ZBTB44: variants seen among roughly 807,000 people sequenced by gnomAD.
ZBTB44 encodes zinc finger and BTB domain containing 44.
A neutral mutation model predicts 54.0 loss-of-function variants in ZBTB44; 15 were observed. The ratio of observed to expected loss-of-function variants is 0.28; its 90% CI spans 0.19 to 0.43. The LOEUF (loss-of-function observed/expected upper bound fraction) is 0.43. Among genes scored for constraint, ZBTB44 ranks in the 20% least tolerant of loss-of-function variants. The probability of loss-of-function intolerance (pLI) is 1.00; values close to 1 mark genes in which losing one functional copy is unlikely to be tolerated. For missense variants in ZBTB44, 487 were observed against 707.1 expected, an observed-to-expected ratio of 0.69 and a Z score of 3.53; for synonymous variants, 230 against 250.1, an observed-to-expected ratio of 0.92 and a Z score of 0.76.
intron 2 of ZBTB44, among the ~76,000 whole-genome samples, chr11:130,245,561 C>T (rs1010720088): frequency 7.9e-5 from 12 of 152,186 alleles, no homozygotes; most frequent in African/African-American, 2.4e-4. Flanking sequence ...CCCCAAAACG[C>T]CTGGAGTTGT....
At chr11:130,290,088 G>A (rs1490670102) in intron 1 of ZBTB44, among the ~76,000 whole-genome samples, 1 of 152,176 alleles carries the variant, frequency 6.6e-6, no homozygotes, top group Non-Finnish European at 1.5e-5. Flanking sequence ...AGATTACCCA[G>A]GTGGGCCCTA....
rs1188497686 is a variant in ZBTB44, at chr11:130,314,807, G to A, written c.-489C>T. On this transcript the variant is annotated 5_prime_UTR_variant, in exon 1 of 8. Coordinates refer to ENST00000357899, the MANE Select transcript of ZBTB44 (RefSeq NM_001301098.2). ...AAGGGGAAGGGGACTGAGGGGAGGG[G>A]AGGGGGAGGTTGGGAGGGAGCCGCC... 3 of 124,762 alleles carry A rather than the reference G, an allele frequency of 2.4e-5. No individual in the cohort carries two copies. Among genetic ancestry groups the A allele is most frequent in the Non-Finnish European group, 3.4e-5 (2 of 58,342 alleles). 7.7% of individuals were successfully genotyped at this position (124,762 alleles called of 1,614,324 possible). A position where few individuals can be genotyped will look rare whatever the true frequency, so the allele number is the denominator to read the frequency against.
chr11:130,281,140 T>C (rs938804348), intron 1 of ZBTB44, among the ~76,000 whole-genome samples: 2 of 152,218 alleles, frequency 1.3e-5, no homozygotes, highest in African/African-American at 4.8e-5. Flanking sequence ...AAAGTAGTGC[T>C]TATAGGGAAA....
chr11:130,238,336 A>T (rs1009292424), intron 4 of ZBTB44, 108 bp downstream of exon 4: 1 of 1,331,368 alleles, frequency 7.5e-7, no homozygotes, highest in Non-Finnish European at 1.0e-6. Context: ...TTGACTTCCC[A>T]GAGTTTTTTT....
At position 130,314,399 on chromosome 11, in the gene ZBTB44, G is replaced by C. The variant is rs892904428; in HGVS notation, c.-81C>G. The C allele has an allele frequency of 1.3e-5, 2 of 153,254 alleles. No homozygotes were observed. The highest frequency in any genetic ancestry group is 2.9e-5 in the Non-Finnish European group (2 of 68,346). The allele number at this position is 153,254 out of a possible 1,614,324, so 9.5% of individuals were successfully genotyped here. On this transcript the variant is annotated 5_prime_UTR_variant, in exon 1 of 8. Coordinates refer to ENST00000357899, the MANE Select transcript of ZBTB44 (RefSeq NM_001301098.2). ...CCTGCGGGCGGCGGCGCCGGGCCCG[G>C]AGGCCTGCTGCTCCTCCTCCTTCTC...
intron 2 of ZBTB44, 40 bp from the exon 3 acceptor site, chr11:130,239,936 G>T: frequency 6.8e-7 from 1 of 1,462,042 alleles, no homozygotes; most frequent in Non-Finnish European, 9.5e-7. Context: ...ATCCTTTGGT[G>T]TGAATAAGCC....
Position 130,301,113 on chromosome 11 carries a change from T to C in ZBTB44, c.-57+13262A>G, listed in dbSNP as rs180816515. On this transcript the variant is annotated intron_variant, in intron 1 of 7. Coordinates refer to ENST00000357899, the MANE Select transcript of ZBTB44 (RefSeq NM_001301098.2). ...TAACAGATGGTATAAGGTCCCTAGA[T>C]AGGTAGAAGGAAATGGGATTCAGAG... 4.9e-3 allele frequency among the ~76,000 whole-genome samples: 740 copies of C among 152,064 alleles called. 6 individuals are homozygous for C. Among genetic ancestry groups the C allele is most frequent in the African/African-American group, 0.017 (720 of 41,472 alleles).
chr11:130,233,033 A>T, intron 7 of ZBTB44: 1 of 335,988 alleles, frequency 3.0e-6, no homozygotes. Context: ...AAAAGAATGT[A>T]GCCTCAATAG....
At chr11:130,249,800 G>C (rs1373518869) in intron 2 of ZBTB44, among the ~76,000 whole-genome samples, 1 of 152,188 alleles carries the variant, frequency 6.6e-6, no homozygotes, top group African/African-American at 2.4e-5. Flanking sequence ...ACATCACTAG[G>C]GCCCCGGGTT....
intron 2 of ZBTB44, among the ~76,000 whole-genome samples, chr11:130,253,556 A>G (rs1156365891): frequency 6.6e-6 from 1 of 152,224 alleles, no homozygotes; most frequent in Non-Finnish European, 1.5e-5. Context: ...ACCACTGCTC[A>G]ATGAAATAAA....
Position 130,295,979 on chromosome 11 carries a change from G to A in ZBTB44, c.-57+18396C>T, listed in dbSNP as rs144086946. The A allele has an allele frequency of 9.3e-4, 1,435 of 1,546,300 alleles. 13 individuals carry two copies. The African/African-American group carries it at 0.017, about 19-fold the overall frequency. Reference sequence around the variant, plus strand: ...AACATCACTGTGGCCACACCAGGCCGTCTGCTGTATCATATGCAGAATATC... The same window carrying A: ...AACATCACTGTGGCCACACCAGGCCATCTGCTGTATCATATGCAGAATATC... On this transcript the variant is annotated intron_variant, in intron 1 of 7. Transcript: ENST00000357899.
chr11:130,276,232 C>CAAAAAA (rs757286125), intron 1 of ZBTB44, among the ~76,000 whole-genome samples: 3 of 31,748 alleles, frequency 9.4e-5, no homozygotes, highest in Non-Finnish European at 1.2e-4. Context: ...AACTCTGTCT[C>CAAAAAA]AAAAAAAAAA....
intron 1 of ZBTB44, among the ~76,000 whole-genome samples, chr11:130,312,308 C>T (rs141576168): frequency 1.2e-3 from 181 of 152,312 alleles, no homozygotes; most frequent in Non-Finnish European, 1.9e-3. Flanking sequence ...TGGCAAACCA[C>T]ACCTTTACAA....
intron 2 of ZBTB44, among the ~76,000 whole-genome samples, chr11:130,254,190 A>G (rs1012730147): frequency 6.6e-5 from 10 of 152,224 alleles, no homozygotes; most frequent in Admixed American, 6.5e-5. Flanking sequence ...ACCAAAAGCA[A>G]TGGCAACAAA....
intron 1 of ZBTB44, among the ~76,000 whole-genome samples, chr11:130,267,967 G>A (rs1939380160): frequency 6.6e-6 from 1 of 151,826 alleles, no homozygotes; most frequent in Admixed American, 6.6e-5. Context: ...CAGCTACTCG[G>A]GAGGCTGAGG....
At chr11:130,274,881 T>A (rs531334646) in intron 1 of ZBTB44, among the ~76,000 whole-genome samples, 1 of 152,318 alleles carries the variant, frequency 6.6e-6, no homozygotes, top group African/African-American at 2.4e-5. Flanking sequence ...TAAAATGATA[T>A]GGGAACAGCA....
intron 1 of ZBTB44, among the ~76,000 whole-genome samples, chr11:130,274,085 CAAAT>C (rs566454525): frequency 2.3e-4 from 35 of 149,178 alleles, no homozygotes; most frequent in African/African-American, 6.9e-4. Flanking sequence ...AAGATTGTCT[CAAAT>C]AAAAAAAAAA....
intron 1 of ZBTB44, among the ~76,000 whole-genome samples, chr11:130,309,099 T>C (rs1237043602): frequency 1.3e-5 from 2 of 152,170 alleles, no homozygotes; most frequent in Non-Finnish European, 2.9e-5. Context: ...GTACTGCACA[T>C]AGCCCTCTCT....
chr11:130,304,960 G>A (rs1291766926), intron 1 of ZBTB44, among the ~76,000 whole-genome samples: 1 of 152,040 alleles, frequency 6.6e-6, no homozygotes, highest in Non-Finnish European at 1.5e-5. Context: ...ATACACCAAT[G>A]ATGACCAAGC....
Sources: gnomAD v4.1 joint callset for allele counts (sites outside exome capture counted in the v4.1 genomes callset) on GRCh38, gnomAD v4.1.1 for gene constraint, MANE v1.5 for transcripts, NCBI Gene and HGNC (gene_info 2026-07-23, HGNC 2026-07-21) for gene names.